The following FRMPD4 variants were observed in gnomAD, a reference collection of about 807,000 sequenced individuals.
The protein encoded by FRMPD4 is FERM and PDZ domain containing 4.
Under a neutral mutation model 94.1 loss-of-function variants are expected in FRMPD4, and 22 were observed. That is an observed-to-expected ratio of 0.23 (90% CI 0.17 to 0.33). FRMPD4 has a LOEUF of 0.33. Among genes scored for constraint, FRMPD4 ranks in the 10% least tolerant of loss-of-function variants. The pLI, the probability that FRMPD4 is intolerant of heterozygous loss-of-function variation, is 1.00. For missense variants in FRMPD4, 1,111 were observed against 1,339.9 expected (o/e 0.83, Z 2.67); for synonymous variants, 631 against 548.6 (o/e 1.15, Z -2.10).
At chrX:11,968,351 T>C (rs892366861) in intron 3 of FRMPD4, among the ~76,000 whole-genome samples, 1 of 111,641 alleles carries the variant, frequency 9.0e-6, no homozygotes, top group East Asian at 2.8e-4. Context: ...CAGACCCCTA[T>C]TGACTTCAGT....
chrX:11,943,136 G>A (rs1338367184), intron 3 of FRMPD4, among the ~76,000 whole-genome samples: 2 of 111,731 alleles, frequency 1.8e-5, no homozygotes, highest in African/African-American at 6.5e-5. Context: ...ACAGAAATGA[G>A]CGTTGGAATA....
chrX:12,520,150 G>A (rs1328399391), intron 2 of FRMPD4, among the ~76,000 whole-genome samples: 1 of 112,133 alleles, frequency 8.9e-6, no homozygotes, highest in African/African-American at 3.2e-5. Flanking sequence ...CAACCCAGAT[G>A]TCCATCAACA....
chrX:11,843,201 A>C (rs866857605), intron 1 of FRMPD4, among the ~76,000 whole-genome samples: 6 of 111,614 alleles, frequency 5.4e-5, no homozygotes, highest in African/African-American at 2.0e-4. Flanking sequence ...ATTTGGTTTG[A>C]TTACATTTTG....
At chrX:12,370,790 T>C (rs1175023338) in intron 1 of FRMPD4, among the ~76,000 whole-genome samples, 1 of 112,503 alleles carries the variant, frequency 8.9e-6, no homozygotes, top group African/African-American at 3.2e-5. Flanking sequence ...CAAACTTTCT[T>C]CCTTAAACAT....
chrX:11,847,600 G>C (rs189485884), intron 1 of FRMPD4, among the ~76,000 whole-genome samples: 11,691 of 106,382 alleles, frequency 0.11, 1,052 homozygotes, highest in African/African-American at 0.25. Flanking sequence ...TATTGCGGCA[G>C]TATTCACAAT....
intron 1 of FRMPD4, among the ~76,000 whole-genome samples, chrX:12,287,570 A>G (rs1182210538): frequency 9.0e-6 from 1 of 111,433 alleles, no homozygotes; most frequent in Non-Finnish European, 1.9e-5. Flanking sequence ...AAAATACTAT[A>G]ATCAGGTTTG....
intron 1 of FRMPD4, among the ~76,000 whole-genome samples, chrX:12,217,883 A>T (rs2056825190): frequency 8.9e-6 from 1 of 112,091 alleles, no homozygotes; most frequent in Admixed American, 9.5e-5. Flanking sequence ...GTATGTTGCC[A>T]TTTAAACTAA....
intron 1 of FRMPD4, among the ~76,000 whole-genome samples, chrX:12,425,511 A>G (rs1334927387): frequency 8.9e-6 from 1 of 112,144 alleles, no homozygotes; most frequent in Non-Finnish European, 1.9e-5. Flanking sequence ...GGAATCTAAG[A>G]GAATTCCCTG....
intron 1 of FRMPD4, among the ~76,000 whole-genome samples, chrX:12,300,571 G>T (rs1438340860): frequency 8.9e-6 from 1 of 112,545 alleles, no homozygotes; most frequent in Non-Finnish European, 1.9e-5. Flanking sequence ...TTCTAATCAT[G>T]CACTACTCTG....
chrX:12,550,724 C>A (rs1364906088), intron 2 of FRMPD4, among the ~76,000 whole-genome samples: 1 of 110,342 alleles, frequency 9.1e-6, no homozygotes, highest in Non-Finnish European at 1.9e-5. Context: ...TTTAATAATA[C>A]TCCTCAATTC....
intron 1 of FRMPD4, among the ~76,000 whole-genome samples, chrX:12,428,874 C>T (rs1009901262): frequency 9.0e-6 from 1 of 110,924 alleles, no homozygotes. Flanking sequence ...GTCATGTGGT[C>T]CTTGACTGTC....
chrX:12,167,088 T>C (rs1488161678), intron 1 of FRMPD4, among the ~76,000 whole-genome samples: 10 of 111,507 alleles, frequency 9.0e-5, no homozygotes, highest in Non-Finnish European at 1.9e-4. Flanking sequence ...TTCTTGCCTT[T>C]TGCTAGCTTT....
chrX:12,351,101 G>A (rs1314780619), intron 1 of FRMPD4, among the ~76,000 whole-genome samples: 1 of 108,357 alleles, frequency 9.2e-6, no homozygotes, highest in East Asian at 2.9e-4. Context: ...GAACCAGGGA[G>A]TTGGAGGTTG....
intron 1 of FRMPD4, among the ~76,000 whole-genome samples, chrX:11,846,885 A>C (rs1174389983): frequency 9.1e-6 from 1 of 110,206 alleles, no homozygotes; most frequent in African/African-American, 3.3e-5. Flanking sequence ...TGAATTCAAG[A>C]TGGATTAAAG....
intron 1 of FRMPD4, among the ~76,000 whole-genome samples, chrX:12,416,914 G>A (rs972919956): frequency 4.5e-5 from 5 of 111,355 alleles, no homozygotes; most frequent in African/African-American, 1.6e-4. Context: ...AATTTTAGAA[G>A]GTATTCTCTC....
At chrX:12,612,866 C>T (rs985131624) in intron 3 of FRMPD4, among the ~76,000 whole-genome samples, 3 of 111,769 alleles carry the variant, frequency 2.7e-5, no homozygotes, top group Non-Finnish European at 3.8e-5. Flanking sequence ...ACACTGAATC[C>T]CACATCTGTA....
At chrX:12,077,268 T>C (rs1232519245) in intron 3 of FRMPD4, among the ~76,000 whole-genome samples, 1 of 112,081 alleles carries the variant, frequency 8.9e-6, no homozygotes, top group Admixed American at 9.5e-5. Flanking sequence ...GTACTTTGAA[T>C]TGGGACTGTT....
At chrX:12,295,102 A>G (rs985266836) in intron 1 of FRMPD4, among the ~76,000 whole-genome samples, 1 of 112,136 alleles carries the variant, frequency 8.9e-6, no homozygotes, top group Non-Finnish European at 1.9e-5. Flanking sequence ...TAGGCAATCT[A>G]TGAGACAAGC....
intron 1 of FRMPD4, among the ~76,000 whole-genome samples, chrX:12,382,631 A>T (rs1279837241): frequency 9.0e-6 from 1 of 111,293 alleles, no homozygotes; most frequent in African/African-American, 3.3e-5. Flanking sequence ...GGTGTTGCTT[A>T]CATATGATGG....
Sources: gnomAD v4.1 joint callset for allele counts (sites outside exome capture counted in the v4.1 genomes callset) on GRCh38, gnomAD v4.1.1 for gene constraint, MANE v1.5 for transcripts, NCBI Gene and HGNC (gene_info 2026-07-23, HGNC 2026-07-21) for gene names.